The following TEC variants were observed in gnomAD, a reference collection of about 807,000 sequenced individuals.
TEC encodes tec protein tyrosine kinase.
Under a neutral mutation model 93.0 loss-of-function variants are expected in TEC, and 72 were observed. The observed-to-expected ratio is 0.77, with a 90% CI of 0.64 to 0.94. The LOEUF is 0.94. Among genes scored for constraint, TEC ranks in the 40% least tolerant of loss-of-function variants. The pLI is 0.00. For synonymous variants in TEC, 249 were observed against 247.7 expected (o/e 1.01, Z -0.05); for missense variants, 630 against 757.9 (o/e 0.83, Z 1.98).
At chr4:48,245,206 T>C (rs1173594939) in intron 1 of TEC, among the ~76,000 whole-genome samples, 11 of 151,290 alleles carry the variant, frequency 7.3e-5, no homozygotes, top group Admixed American at 2.6e-4. Context: ...GGCAGGAGAA[T>C]CGCTTTAACC....
chr4:48,151,954 C>T (rs1230149210), intron 9 of TEC, among the ~76,000 whole-genome samples: 1 of 152,196 alleles, frequency 6.6e-6, no homozygotes, highest in Non-Finnish European at 1.5e-5. Flanking sequence ...TGTCCAGTAA[C>T]ACTACCATCA....
intron 1 of TEC, among the ~76,000 whole-genome samples, chr4:48,268,249 C>T (rs954993724): frequency 2.6e-5 from 4 of 152,210 alleles, no homozygotes; most frequent in Non-Finnish European, 5.9e-5. Flanking sequence ...TGTGAAAATT[C>T]TAGTTGGACC....
rs776093286 is a variant in TEC, at chr4:48,149,685, C to G, written c.878G>C (p.Gly293Ala). 1 of 1,600,412 alleles carries G rather than the reference C, an allele frequency of 6.2e-7. No individual in the cohort carries two copies. Among genetic ancestry groups the G allele is most frequent in the Non-Finnish European group, 8.5e-7 (1 of 1,175,944 alleles). The change falls in exon 11 of 18, where the codon GGT becomes GCT. Residue 293 changes from glycine to alanine, a missense_variant. Transcript: ENST00000381501. ...VSLYTKFGGEGSSGFRHYHIK... is the reference protein window; with the variant it reads ...VSLYTKFGGEASSGFRHYHIK... ...ATGATAATGCCTAAAACCCGATGAA[C>G]CTTCTCTAGAACAAAAATCAAAATG...
intron 2 of TEC, among the ~76,000 whole-genome samples, chr4:48,199,770 A>C (rs55885170): frequency 0.087 from 13,294 of 151,956 alleles, 752 homozygotes; most frequent in East Asian, 0.32. Flanking sequence ...CCTGGCCAAA[A>C]AGAATGGATT....
intron 1 of TEC, among the ~76,000 whole-genome samples, chr4:48,230,279 C>A (rs1181713543): frequency 6.6e-6 from 1 of 151,980 alleles, no homozygotes; most frequent in Non-Finnish European, 1.5e-5. Context: ...ACTGATTGGT[C>A]ATCATCCAAT....
chr4:48,254,867 G>A (rs1724299755), intron 1 of TEC, among the ~76,000 whole-genome samples: 1 of 151,816 alleles, frequency 6.6e-6, no homozygotes, highest in African/African-American at 2.4e-5. Flanking sequence ...CCTTTCACTA[G>A]GGCAGGGCTT....
At chr4:48,162,865 C>T (rs1182662585) in intron 8 of TEC, among the ~76,000 whole-genome samples, 4 of 152,086 alleles carry the variant, frequency 2.6e-5, no homozygotes, top group Non-Finnish European at 4.4e-5. Flanking sequence ...TACAACTTGG[C>T]CACACACTGC....
At chr4:48,253,716 A>T (rs1363487334) in intron 1 of TEC, among the ~76,000 whole-genome samples, 1 of 151,912 alleles carries the variant, frequency 6.6e-6, no homozygotes, top group Non-Finnish European at 1.5e-5. Flanking sequence ...CTGGGACCAC[A>T]GGCATGCACC....
chr4:48,254,806 C>T (rs977984632), intron 1 of TEC, among the ~76,000 whole-genome samples: 1 of 152,078 alleles, frequency 6.6e-6, no homozygotes, highest in African/African-American at 2.4e-5. Context: ...TGCCATAGGG[C>T]AGGATGGAGG....
At chr4:48,184,256 C>T (rs1015809445) in intron 2 of TEC, among the ~76,000 whole-genome samples, 1 of 152,186 alleles carries the variant, frequency 6.6e-6, no homozygotes, top group Non-Finnish European at 1.5e-5. Context: ...AGGATTTGAA[C>T]TTTAATTCCA....
intron 1 of TEC, among the ~76,000 whole-genome samples, chr4:48,230,478 G>A (rs1158130371): frequency 1.3e-5 from 2 of 152,048 alleles, no homozygotes. Context: ...TATTTGCCTC[G>A]CTCAGAACAT....
intron 1 of TEC, among the ~76,000 whole-genome samples, chr4:48,233,142 A>G (rs1370982838): frequency 1.3e-5 from 2 of 152,188 alleles, no homozygotes; most frequent in South Asian, 2.1e-4. Context: ...GTGAAACTGT[A>G]CAAGTGTCCA....
At chr4:48,149,432 T>A in intron 11 of TEC, 125 bp downstream of exon 11, 1 of 1,002,824 alleles carries the variant, frequency 1.0e-6, no homozygotes, top group Non-Finnish European at 1.4e-6. Flanking sequence ...TATGCAGTAA[T>A]TTAAAATCAA....
Position 48,138,646 on chromosome 4 carries a change from G to A in TEC, c.1812+19C>T. The A allele has an allele frequency of 1.3e-6, 2 of 1,584,608 alleles. No homozygotes were observed. Among genetic ancestry groups the A allele is most frequent in the Non-Finnish European group, 8.6e-7 (1 of 1,167,224 alleles). On this transcript the variant is annotated intron_variant, in intron 17 of 17. Coordinates refer to ENST00000381501, the MANE Select transcript of TEC (RefSeq NM_003215.3). ...AATCCCTAAGAGATTCAAAAAGAAAGCACACAAAAAATCTATACCTCCTGC... is the reference window on the plus strand; with the variant it reads ...AATCCCTAAGAGATTCAAAAAGAAAACACACAAAAAATCTATACCTCCTGC...
chr4:48,232,005 C>A (rs1723660855), intron 1 of TEC, among the ~76,000 whole-genome samples: 2 of 152,072 alleles, frequency 1.3e-5, no homozygotes, highest in African/African-American at 4.8e-5. Context: ...ATCACCTTAT[C>A]TGTCCATGTG....
chr4:48,152,225 A>C (rs1031032128), intron 9 of TEC, among the ~76,000 whole-genome samples: 4 of 152,120 alleles, frequency 2.6e-5, no homozygotes, highest in African/African-American at 9.7e-5. Flanking sequence ...CGTGAGTTTA[A>C]GACTAGCCTG....
intron 8 of TEC, among the ~76,000 whole-genome samples, chr4:48,158,259 A>G (rs553034596): frequency 2.6e-5 from 4 of 152,354 alleles, no homozygotes; most frequent in African/African-American, 9.6e-5. Flanking sequence ...ATTCTTTTAT[A>G]TAGTAGCCAA....
chr4:48,234,914 T>G (rs1374175237), intron 1 of TEC, among the ~76,000 whole-genome samples: 1 of 152,190 alleles, frequency 6.6e-6, no homozygotes, highest in Non-Finnish European at 1.5e-5. Flanking sequence ...GTTTAGAGAC[T>G]GTCAAGAGAC....
intron 2 of TEC, among the ~76,000 whole-genome samples, chr4:48,191,870 T>A (rs890270250): frequency 2.0e-5 from 3 of 152,108 alleles, no homozygotes; most frequent in African/African-American, 7.2e-5. Context: ...TGAACTCAGT[T>A]CAAGGCTGCA....
Sources: gnomAD v4.1 joint callset for allele counts (sites outside exome capture counted in the v4.1 genomes callset) on GRCh38, gnomAD v4.1.1 for gene constraint, MANE v1.5 for transcripts, NCBI Gene and HGNC (gene_info 2026-07-23, HGNC 2026-07-21) for gene names.